Variants in LTBP1 observed in about 807,000 individuals in gnomAD.
LTBP1 encodes latent transforming growth factor beta binding protein 1, also known as latent-transforming growth factor beta-binding protein 1.
Under a neutral mutation model 207.6 loss-of-function variants are expected in LTBP1, and 129 were observed. The ratio of observed to expected loss-of-function variants is 0.62; its 90% confidence interval spans 0.54 to 0.72. LTBP1 has a LOEUF of 0.72. Among genes scored for constraint, LTBP1 ranks in the 30% least tolerant of loss-of-function variants. The pLI is 0.00. For synonymous variants in LTBP1, 963 were observed against 833.7 expected (o/e 1.16, Z -2.67); for missense variants, 2,281 against 2,217.2 (o/e 1.03, Z -0.58).
At chr2:33,376,077 G>A (rs1279870741) in intron 31 of LTBP1, among the ~76,000 whole-genome samples, 1 of 151,936 alleles carries the variant, frequency 6.6e-6, no homozygotes, top group Non-Finnish European at 1.5e-5. Flanking sequence ...GAACACTTTG[G>A]TCTCCATCTC....
chr2:32,982,002 G>A (rs992549949), intron 2 of LTBP1, among the ~76,000 whole-genome samples: 7 of 152,302 alleles, frequency 4.6e-5, no homozygotes, highest in South Asian at 2.1e-4. Flanking sequence ...AAAGATACCC[G>A]AAAATGTGGA....
intron 3 of LTBP1, among the ~76,000 whole-genome samples, chr2:33,101,798 G>T (rs1033016137): frequency 6.6e-6 from 1 of 152,058 alleles, no homozygotes; most frequent in Non-Finnish European, 1.5e-5. Context: ...GTAGTAGCTC[G>T]TTTTTTGAGA....
intron 26 of LTBP1, among the ~76,000 whole-genome samples, chr2:33,357,126 A>G (rs1366447138): frequency 6.6e-6 from 1 of 152,190 alleles, no homozygotes; most frequent in Admixed American, 6.5e-5. Context: ...CCCAACAGTA[A>G]TTCCTAAGAT....
At chr2:32,963,512 C>T (rs1257403146) in intron 2 of LTBP1, among the ~76,000 whole-genome samples, 3 of 152,088 alleles carry the variant, frequency 2.0e-5, no homozygotes, top group Non-Finnish European at 4.4e-5. Context: ...CACCTGACCA[C>T]CATGCACATT....
chr2:33,389,240 C>T lies in LTBP1; in HGVS notation c.4768C>T (p.Arg1590Trp), dbSNP rs370970352. 1.7e-5 allele frequency: 27 copies of T among 1,614,032 alleles called. No homozygotes were observed. Among genetic ancestry groups the T allele is most frequent in the African/African-American group, 4.0e-5 (3 of 74,908 alleles). Residue 1590 changes from arginine to tryptophan, a missense_variant, in exon 32 of 34, where the codon CGG becomes TGG. By Grantham distance (101) the Arg-to-Trp change is moderately radical. Transcript: ENST00000404816. Reference protein sequence around the residue: ...PVTGRRQPYGRDALVDFSEQY... With the variant: ...PVTGRRQPYGWDALVDFSEQY... ...GACGGGACGCCGGCAGCCATATGGA[C>T]GGGACGCCTTGGTTGACTTCAGTGA...
In LTBP1 at chr2:32,947,675, G is replaced by A; in HGVS notation, c.351G>A (p.Gln117=). The change falls in exon 1 of 34, where the codon CAG becomes CAA. Residue 117 remains glutamine (Q), a synonymous_variant. Transcript: ENST00000404816. Reference sequence around the variant, plus strand: ...CGCGTCCCGCGGTCCCCGGCGGGCAGCTCCACCCCAATCCCGGCGGCCACC... The same window carrying A: ...CGCGTCCCGCGGTCCCCGGCGGGCAACTCCACCCCAATCCCGGCGGCCACC... ...EPARPAVPGG[Q]LHPNPGGHPA... 1.4e-6 allele frequency: 2 copies of A among 1,478,556 alleles called. No individual in the cohort carries two copies. Among genetic ancestry groups the A allele is most frequent in the Non-Finnish European group, 1.8e-6 (2 of 1,111,976 alleles). The allele number at this position is 1,478,556 out of a possible 1,614,324, so 91.6% of individuals were successfully genotyped here. A position where few individuals can be genotyped will look rare whatever the true frequency, so the allele number is the denominator to read the frequency against.
intron 31 of LTBP1, among the ~76,000 whole-genome samples, chr2:33,374,276 A>G (rs2095108257): frequency 6.6e-6 from 1 of 152,320 alleles, no homozygotes; most frequent in African/African-American, 2.4e-5. Flanking sequence ...GGTTTAGGCA[A>G]TCCAGGGATC....
At chr2:33,174,777 C>G (rs1387193007) in intron 5 of LTBP1, among the ~76,000 whole-genome samples, 1 of 152,058 alleles carries the variant, frequency 6.6e-6, no homozygotes, top group African/African-American at 2.4e-5. Context: ...CTACAGTAAC[C>G]AAAACAGCAT....
intron 22 of LTBP1, among the ~76,000 whole-genome samples, chr2:33,303,585 C>A (rs968084682): frequency 6.6e-6 from 1 of 152,010 alleles, no homozygotes; most frequent in Non-Finnish European, 1.5e-5. Context: ...CTCCTGACCT[C>A]GTGATCCGCC....
chr2:33,315,879 G>C (rs1411858456), intron 24 of LTBP1, among the ~76,000 whole-genome samples: 1 of 152,196 alleles, frequency 6.6e-6, no homozygotes, highest in Non-Finnish European at 1.5e-5. Flanking sequence ...AGAGGCTGCC[G>C]TGAGCCGAGA....
intron 3 of LTBP1, among the ~76,000 whole-genome samples, chr2:33,028,890 C>T (rs1465945224): frequency 1.3e-5 from 2 of 152,116 alleles, no homozygotes; most frequent in Admixed American, 6.5e-5. Context: ...CCCAGGCAGC[C>T]AGCCTCTTGG....
intron 18 of LTBP1, among the ~76,000 whole-genome samples, chr2:33,278,188 A>T (rs573761386): frequency 6.6e-6 from 1 of 152,224 alleles, no homozygotes; most frequent in East Asian, 1.9e-4. Flanking sequence ...TAAGATACTT[A>T]AGTAATAGGA....
At chr2:33,373,796 G>C (rs1331079608) in intron 31 of LTBP1, among the ~76,000 whole-genome samples, 1 of 152,144 alleles carries the variant, frequency 6.6e-6, no homozygotes, top group Non-Finnish European at 1.5e-5. Context: ...TGGAACAGGT[G>C]TAAAGTTGTA....
intron 2 of LTBP1, among the ~76,000 whole-genome samples, chr2:32,974,228 G>A (rs1415453118): frequency 6.6e-6 from 1 of 152,120 alleles, no homozygotes; most frequent in Non-Finnish European, 1.5e-5. Context: ...AGCGTATGAA[G>A]GTTCCCTTTT....
intron 22 of LTBP1, among the ~76,000 whole-genome samples, chr2:33,305,181 G>A (rs929377816): frequency 6.6e-6 from 1 of 152,064 alleles, no homozygotes; most frequent in African/African-American, 2.4e-5. Context: ...AAAATTATCT[G>A]GGTGTGGCGG....
chr2:33,044,197 G>A (rs1411258785), intron 3 of LTBP1, among the ~76,000 whole-genome samples: 1 of 151,912 alleles, frequency 6.6e-6, no homozygotes, highest in Non-Finnish European at 1.5e-5. Flanking sequence ...CACATGCCAT[G>A]GTGGTTTGCT....
In LTBP1 at chr2:33,014,347, A is replaced by G. The variant is rs534621339; in HGVS notation, c.566-6562A>G. 1.3e-4 allele frequency among the ~76,000 whole-genome samples: 20 copies of G among 152,294 alleles called. No homozygotes were observed. In the East Asian group the frequency reaches 3.7e-3, roughly 28 times the overall value. On this transcript the variant is annotated intron_variant, in intron 2 of 33. Transcript: ENST00000404816. ...AACAGCATTTATTTGGATTTGGTAC[A>G]AGGAGCAAGCAGACAGAGTAGACTA...
chr2:33,206,812 A>G (rs1391817059), intron 7 of LTBP1, among the ~76,000 whole-genome samples: 1 of 151,930 alleles, frequency 6.6e-6, no homozygotes, highest in Non-Finnish European at 1.5e-5. Flanking sequence ...TCAGGTTGCT[A>G]TGGTGATAGT....
intron 3 of LTBP1, among the ~76,000 whole-genome samples, chr2:33,028,626 A>AC (rs1302025333): frequency 6.6e-6 from 1 of 152,224 alleles, no homozygotes; most frequent in Non-Finnish European, 1.5e-5. Context: ...CATCCTGGTC[A>AC]CCATCCCAGG....
Sources: allele counts gnomAD v4.1 joint callset (sites outside exome capture counted in the v4.1 genomes callset), GRCh38; gene constraint gnomAD v4.1.1; transcripts MANE v1.5; gene names NCBI Gene and HGNC (gene_info 2026-07-23, HGNC 2026-07-21).